Variants in FHL2 observed in about 807,000 individuals in gnomAD.
FHL2 encodes four and a half LIM domains protein 2.
FHL2 carries 20 observed loss-of-function variants against 32.7 expected under a neutral mutation model. The ratio of observed to expected loss-of-function variants is 0.61; its 90% CI spans 0.43 to 0.89. The LOEUF (loss-of-function observed/expected upper bound fraction) is 0.89, where lower values mean the gene tolerates loss of function less well. FHL2 is among the 40% of genes least tolerant of loss of function. FHL2 has a pLI of 0.00. For synonymous variants in FHL2, 123 were observed against 128.1 expected (o/e 0.96, Z 0.27); for missense variants, 311 against 358.6 (o/e 0.87, Z 1.07).
intron 1 of FHL2, among the ~76,000 whole-genome samples, chr2:105,420,361 C>T (rs1263201449): frequency 6.6e-6 from 1 of 152,128 alleles, no homozygotes; most frequent in East Asian, 1.9e-4. Flanking sequence ...CCTAATATCC[C>T]CTTTTACAAG....
Position 105,396,716 on chromosome 2 carries a change from T to A in FHL2, c.-75-19A>T. On this transcript the variant is annotated intron_variant, in intron 1 of 6. Transcript: ENST00000530340. The stretch of plus-strand genomic sequence containing the variant: ...TCAGCCACTAGAGAAAGCACACGTG[T>A]TTTGTTTCAGATGGTCATCTTGAGG... The A allele has an allele frequency of 6.2e-7, 1 of 1,611,972 alleles. No individual in the cohort carries two copies. The highest frequency in any genetic ancestry group is 8.5e-7 in the Non-Finnish European group (1 of 1,179,468).
At chr2:105,393,468 G>T (rs993766631) in intron 2 of FHL2, among the ~76,000 whole-genome samples, 1 of 152,152 alleles carries the variant, frequency 6.6e-6, no homozygotes, top group Non-Finnish European at 1.5e-5. Context: ...AGGAAAACTG[G>T]TCTATGTGGG....
chr2:105,360,670 A>C (rs953627539), downstream of FHL2: 2 of 152,456 alleles, frequency 1.3e-5, no homozygotes, highest in African/African-American at 4.8e-5. Flanking sequence ...GCTTCCTTTA[A>C]AGGGTGTGAT....
upstream of FHL2, among the ~76,000 whole-genome samples, chr2:105,403,666 A>C (rs1017423986): frequency 1.3e-5 from 2 of 152,238 alleles, no homozygotes; most frequent in Non-Finnish European, 2.9e-5. Context: ...AGGTGATTTG[A>C]AGTAAAATAA....
chr2:105,362,290 G>A (rs2104481579), intron 6 of FHL2, among the ~76,000 whole-genome samples: 1 of 152,278 alleles, frequency 6.6e-6, no homozygotes, highest in African/African-American at 2.4e-5. Context: ...TGTAAATACT[G>A]TGCTTTTCTT....
chr2:105,361,109 A>T lies in FHL2; in HGVS notation c.*174T>A. Reference sequence around the variant, plus strand: ...AGGGCGAGTTTTCTCTTTCCCTGGGACTGAACTATCACAAAGCACTAAAGG... The same window carrying T: ...AGGGCGAGTTTTCTCTTTCCCTGGGTCTGAACTATCACAAAGCACTAAAGG... On this transcript the variant is annotated 3_prime_UTR_variant, in exon 7 of 7. Coordinates refer to ENST00000530340, the MANE Select transcript of FHL2 (RefSeq NM_001318895.3). 1.7e-6 allele frequency: 1 copy of T among 576,068 alleles called. No individual in the cohort carries two copies. The highest frequency in any genetic ancestry group is 2.9e-6 in the Non-Finnish European group (1 of 347,298). The allele number at this position is 576,068 out of a possible 1,614,324, so 35.7% of individuals were successfully genotyped here. A position where few individuals can be genotyped will look rare whatever the true frequency, so the allele number is the denominator to read the frequency against.
chr2:105,398,826 T>C lies in FHL2; in HGVS notation c.-76+16A>G, dbSNP rs1466910312. Reference sequence around the variant, plus strand: ...CCAGTGGTCTTCCCGGACCCACAGCTCTGCTCTCCTCTCACCAGTCTCCCC... The same window carrying C: ...CCAGTGGTCTTCCCGGACCCACAGCCCTGCTCTCCTCTCACCAGTCTCCCC... On this transcript the variant is annotated intron_variant, in intron 1 of 6. Coordinates refer to ENST00000530340, the MANE Select transcript of FHL2 (RefSeq NM_001318895.3). 2.1e-6 allele frequency: 3 copies of C among 1,421,306 alleles called. No homozygotes were observed. Among genetic ancestry groups the C allele is most frequent in the African/African-American group, 1.5e-5 (1 of 66,910 alleles). 88.0% of individuals were successfully genotyped at this position (1,421,306 alleles called of 1,614,324 possible).
chr2:105,411,881 G>T (rs1016973160), intron 1 of FHL2, among the ~76,000 whole-genome samples: 1 of 151,830 alleles, frequency 6.6e-6, no homozygotes, highest in Admixed American at 6.6e-5. Flanking sequence ...TAGAGAGCCC[G>T]AGGGAAACTA....
intron 1 of FHL2, among the ~76,000 whole-genome samples, chr2:105,429,000 T>G (rs982793832): frequency 1.3e-5 from 2 of 152,204 alleles, no homozygotes; most frequent in Admixed American, 6.5e-5. Flanking sequence ...AAACCTTACC[T>G]TCATAAGATA....
chr2:105,399,468 G>A, upstream of FHL2: 1 of 1,536,206 alleles, frequency 6.5e-7, no homozygotes, highest in Non-Finnish European at 8.7e-7. Flanking sequence ...ATGTGCCTGG[G>A]ATATATTTGC....
intron 3 of FHL2, chr2:105,378,359 C>A: frequency 2.7e-6 from 1 of 369,534 alleles, no homozygotes; most frequent in Non-Finnish European, 5.4e-6. Context: ...TCCCCCCACA[C>A]CCTGCTCTAT....
chr2:105,404,567 G>T (rs1683568805), intron 1 of FHL2, among the ~76,000 whole-genome samples: 1 of 152,220 alleles, frequency 6.6e-6, no homozygotes, highest in Non-Finnish European at 1.5e-5. Context: ...GCACCTGCCT[G>T]TGCCCGTGAG....
chr2:105,387,973 G>A (rs1312880646), intron 2 of FHL2, among the ~76,000 whole-genome samples: 3 of 152,180 alleles, frequency 2.0e-5, no homozygotes, highest in Non-Finnish European at 4.4e-5. Context: ...GATGGAGCTG[G>A]AGGCCATTAT....
At chr2:105,364,016 G>A (rs1465150384) in intron 5 of FHL2, among the ~76,000 whole-genome samples, 1 of 152,164 alleles carries the variant, frequency 6.6e-6, no homozygotes, top group African/African-American at 2.4e-5. Flanking sequence ...CAGGACTTTG[G>A]GAGGCCGAGG....
chr2:105,400,105 T>C (rs1683410577), upstream of FHL2, among the ~76,000 whole-genome samples: 1 of 152,072 alleles, frequency 6.6e-6, no homozygotes, highest in Non-Finnish European at 1.5e-5. Context: ...TAGCTCTACC[T>C]GGTATCTCAT....
chr2:105,413,356 A>C (rs1683849359), intron 1 of FHL2, among the ~76,000 whole-genome samples: 1 of 152,002 alleles, frequency 6.6e-6, no homozygotes, highest in African/African-American at 2.4e-5. Flanking sequence ...GAAACGATTT[A>C]TTTTCTTTCC....
At chr2:105,377,836 G>A (rs1681588651) in intron 3 of FHL2, 2 of 347,570 alleles carry the variant, frequency 5.8e-6, no homozygotes, top group African/African-American at 2.1e-5. Context: ...CAGGGAGAGG[G>A]GAGGAGATCC....
chr2:105,391,613 G>C (rs940362521), intron 2 of FHL2, among the ~76,000 whole-genome samples: 7 of 152,182 alleles, frequency 4.6e-5, no homozygotes, highest in Non-Finnish European at 8.8e-5. Flanking sequence ...GAAACGGACA[G>C]CCCAGTGAAA....
rs1573282554 is a variant in FHL2 at position 105,365,807 on chromosome 2, TGTACTACA to T, written c.501+1755_501+1762del. On this transcript the variant is annotated intron_variant, in intron 5 of 6. Coordinates refer to ENST00000530340, the MANE Select transcript of FHL2 (RefSeq NM_001318895.3). ...TTGCAGTGAGTTGAGATCATGCCAC[TGTACTACA>T]GCCCAGGTGGCAGAGTGAAACTGTC... 2.6e-5 allele frequency among the ~76,000 whole-genome samples: 4 copies of T among 151,646 alleles called. No individual in the cohort carries two copies. The East Asian group carries it at 7.8e-4, about 29-fold the overall frequency.
Sources: gnomAD v4.1 joint callset for allele counts (sites outside exome capture counted in the v4.1 genomes callset) on GRCh38, gnomAD v4.1.1 for gene constraint, MANE v1.5 for transcripts, NCBI Gene and HGNC (gene_info 2026-07-23, HGNC 2026-07-21) for gene names.